TPRG1: variants seen among roughly 807,000 people sequenced by gnomAD.
The protein encoded by TPRG1 is tumor protein p63-regulated gene 1 protein.
Under a neutral mutation model 29.3 loss-of-function variants are expected in TPRG1, and 29 were observed. The ratio of observed to expected loss-of-function variants is 0.99; its 90% CI spans 0.74 to 1.35. The LOEUF is 1.35. Among genes scored for constraint, TPRG1 ranks in the 40% most tolerant of loss-of-function variants. TPRG1 has a pLI of 0.00. For missense variants in TPRG1, 327 were observed against 335.0 expected (o/e 0.98, Z 0.19); for synonymous variants, 130 against 116.8 (o/e 1.11, Z -0.73).
intron 1 of TPRG1, among the ~76,000 whole-genome samples, chr3:189,103,770 T>C (rs1163983815): frequency 6.6e-5 from 10 of 152,166 alleles, no homozygotes; most frequent in African/African-American, 2.4e-4. Context: ...GTAATGATTG[T>C]TATCAGGATC....
At chr3:189,014,143 A>C (rs1033416885) in intron 3 of TPRG1, among the ~76,000 whole-genome samples, 1 of 152,078 alleles carries the variant, frequency 6.6e-6, no homozygotes, top group Non-Finnish European at 1.5e-5. Context: ...GGCTGCTAAT[A>C]GTTTTTCTTG....
intron 5 of TPRG1, among the ~76,000 whole-genome samples, chr3:189,310,779 T>C (rs1004232135): frequency 1.3e-5 from 2 of 152,180 alleles, no homozygotes; most frequent in African/African-American, 4.8e-5. Flanking sequence ...ACATGCTGCT[T>C]TCCGCTTGCT....
At chr3:189,088,828 A>G (rs1374159688) in intron 4 of TPRG1, among the ~76,000 whole-genome samples, 2 of 152,292 alleles carry the variant, frequency 1.3e-5, no homozygotes, top group Admixed American at 6.5e-5. Flanking sequence ...GTGAAAATTG[A>G]GTAAGTAATA....
intron 3 of TPRG1, among the ~76,000 whole-genome samples, chr3:189,222,089 G>A (rs1737026472): frequency 6.6e-6 from 1 of 152,112 alleles, no homozygotes; most frequent in South Asian, 2.1e-4. Flanking sequence ...ATAGGATCAG[G>A]GGTTCATTGG....
At chr3:189,056,966 T>G (rs1191929383) in intron 4 of TPRG1, among the ~76,000 whole-genome samples, 1 of 152,218 alleles carries the variant, frequency 6.6e-6, no homozygotes, top group Non-Finnish European at 1.5e-5. Context: ...CTCTTCCAAC[T>G]GCATCTTGAA....
chr3:189,248,652 T>C (rs941622337), intron 4 of TPRG1, among the ~76,000 whole-genome samples: 2 of 151,248 alleles, frequency 1.3e-5, no homozygotes, highest in African/African-American at 4.8e-5. Flanking sequence ...ATATTTCATA[T>C]ATCCTAATAT....
chr3:189,090,980 A>G (rs1472341575), intron 4 of TPRG1, among the ~76,000 whole-genome samples: 2 of 152,174 alleles, frequency 1.3e-5, no homozygotes, highest in Admixed American at 6.5e-5. Flanking sequence ...CAGTTCTACC[A>G]TAGTAGATAT....
At chr3:189,078,276 T>C (rs1717360958) in intron 4 of TPRG1, among the ~76,000 whole-genome samples, 1 of 151,878 alleles carries the variant, frequency 6.6e-6, no homozygotes, top group Non-Finnish European at 1.5e-5. Context: ...TAGCTGGGAC[T>C]ACAGGTGTGT....
intron 1 of TPRG1, among the ~76,000 whole-genome samples, chr3:189,175,503 A>G (rs1309681457): frequency 6.6e-6 from 1 of 152,220 alleles, no homozygotes; most frequent in East Asian, 1.9e-4. Context: ...TTTGATGGGC[A>G]TTACGGCTAT....
chr3:189,010,420 T>G (rs1712536194), intron 3 of TPRG1, among the ~76,000 whole-genome samples: 1 of 152,286 alleles, frequency 6.6e-6, no homozygotes, highest in South Asian at 2.1e-4. Flanking sequence ...AAGCATTACT[T>G]TTTCTCCACA....
At chr3:189,281,181 G>A (rs1346410173) in intron 4 of TPRG1, among the ~76,000 whole-genome samples, 1 of 152,176 alleles carries the variant, frequency 6.6e-6, no homozygotes, top group Non-Finnish European at 1.5e-5. Context: ...GAATAGAGAG[G>A]TTAAGGAACT....
At chr3:189,117,627 G>T (rs1721337929) in intron 1 of TPRG1, among the ~76,000 whole-genome samples, 1 of 152,164 alleles carries the variant, frequency 6.6e-6, no homozygotes, top group Non-Finnish European at 1.5e-5. Flanking sequence ...GGAGGTAATT[G>T]GATCATGGGA....
intron 1 of TPRG1, among the ~76,000 whole-genome samples, chr3:189,176,319 A>G (rs557141121): frequency 1.4e-4 from 21 of 152,332 alleles, no homozygotes; most frequent in Middle Eastern, 3.4e-3. Context: ...TAAACTATTT[A>G]TTGAACAATG....
At chr3:189,074,416 A>G (rs1305017592) in intron 4 of TPRG1, among the ~76,000 whole-genome samples, 2 of 151,882 alleles carry the variant, frequency 1.3e-5, no homozygotes, top group East Asian at 1.9e-4. Flanking sequence ...CGTGTTAGCC[A>G]GGATGGTCTC....
At chr3:189,244,259 G>A (rs536706556) in intron 4 of TPRG1, among the ~76,000 whole-genome samples, 5 of 152,066 alleles carry the variant, frequency 3.3e-5, no homozygotes, top group Admixed American at 6.5e-5. Flanking sequence ...GTGAAACCCC[G>A]TTTCTATTAA....
chr3:189,099,376 C>T (rs1274430053), upstream of TPRG1, among the ~76,000 whole-genome samples: 1 of 151,924 alleles, frequency 6.6e-6, no homozygotes, highest in Non-Finnish European at 1.5e-5. Flanking sequence ...CCAAATGGCA[C>T]CCCTTGGGGA....
At chr3:189,266,989 G>A (rs1343995497) in intron 4 of TPRG1, among the ~76,000 whole-genome samples, 10 of 151,968 alleles carry the variant, frequency 6.6e-5, no homozygotes, top group Non-Finnish European at 8.8e-5. Context: ...GGAGGACAAT[G>A]GTCTAGTTGT....
intron 3 of TPRG1, among the ~76,000 whole-genome samples, chr3:189,012,841 T>A (rs1451013265): frequency 6.6e-6 from 1 of 152,164 alleles, no homozygotes; most frequent in Non-Finnish European, 1.5e-5. Flanking sequence ...AGTGGTAATA[T>A]CCCCCTTATC....
In TPRG1 at chr3:189,015,284, G is replaced by A. The variant is rs1461983669; in HGVS notation, c.-659-8466G>A. Among the ~76,000 whole-genome samples the A allele has an allele frequency of 5.3e-5, 8 of 152,162 alleles. No individual in the cohort carries two copies. The South Asian group carries it at 1.7e-3, about 32-fold the overall frequency. ...ATCTGGTGGAAGAAATTTCTAAGCA[G>A]TAAAACATTCAAGATGTGGCATGGC... On this transcript the variant is annotated intron_variant, in intron 3 of 10. Coordinates refer to the TPRG1 transcript ENST00000433971.
Sources: allele counts gnomAD v4.1 joint callset (sites outside exome capture counted in the v4.1 genomes callset), GRCh38; gene constraint gnomAD v4.1.1; transcripts MANE v1.5; gene names NCBI Gene and HGNC (gene_info 2026-07-23, HGNC 2026-07-21).